CMIP: variants seen among roughly 807,000 people sequenced by gnomAD.
CMIP encodes the protein C-Maf-inducing protein.
A neutral mutation model predicts 97.3 loss-of-function variants in CMIP; 13 were observed. The observed-to-expected ratio is 0.13, with a 90% CI of 0.09 to 0.21. CMIP has a LOEUF of 0.21. Ranked by LOEUF, CMIP falls within the 10% of genes least tolerant of loss-of-function variation. The pLI, the probability that CMIP is intolerant of heterozygous loss-of-function variation, is 1.00. For missense variants in CMIP, 847 were observed against 1,024.9 expected (o/e 0.83, Z 2.37); for synonymous variants, 538 against 436.3 (o/e 1.23, Z -2.91).
At chr16:81,680,264 G>A (rs1284145647) in intron 10 of CMIP, among the ~76,000 whole-genome samples, 1 of 152,254 alleles carries the variant, frequency 6.6e-6, no homozygotes, top group Non-Finnish European at 1.5e-5. Context: ...ATTCTGTCAT[G>A]TATGTGTTGT....
At chr16:81,587,183 A>G (rs182815826) in intron 1 of CMIP, among the ~76,000 whole-genome samples, 8 of 152,172 alleles carry the variant, frequency 5.3e-5, no homozygotes, top group African/African-American at 1.9e-4. Flanking sequence ...AACCTGCATG[A>G]CTCATTACCA....
intron 1 of CMIP, among the ~76,000 whole-genome samples, chr16:81,569,549 C>G (rs534055651): frequency 6.6e-6 from 1 of 152,254 alleles, no homozygotes; most frequent in Admixed American, 6.5e-5. Context: ...TTCCACAGGA[C>G]AGTCCTGCCA....
intron 1 of CMIP, among the ~76,000 whole-genome samples, chr16:81,465,737 G>T (rs763642425): frequency 2.6e-5 from 4 of 152,220 alleles, no homozygotes; most frequent in African/African-American, 9.6e-5. Context: ...GACCCAGCAC[G>T]GTGAGCTGTC....
At chr16:81,449,654 G>A (rs1048485572) in intron 1 of CMIP, among the ~76,000 whole-genome samples, 3 of 139,042 alleles carry the variant, frequency 2.2e-5, no homozygotes, top group African/African-American at 8.7e-5. Context: ...TTTTGTGGCA[G>A]TAAACACACA....
At chr16:81,458,278 C>G (rs889104979) in intron 1 of CMIP, among the ~76,000 whole-genome samples, 3 of 152,156 alleles carry the variant, frequency 2.0e-5, no homozygotes, top group African/African-American at 4.8e-5. Flanking sequence ...ACCCCATCAC[C>G]TGGAAGGCTA....
chr16:81,469,520 C>T (rs1379483548), intron 1 of CMIP, among the ~76,000 whole-genome samples: 1 of 152,154 alleles, frequency 6.6e-6, no homozygotes, highest in Non-Finnish European at 1.5e-5. Context: ...CTGCCGTTAC[C>T]ACTGTCATTG....
chr16:81,666,190 A>G (rs1483187268), intron 7 of CMIP: 2 of 152,130 alleles, frequency 1.3e-5, no homozygotes, highest in African/African-American at 4.8e-5. Flanking sequence ...TTAACTTTAA[A>G]ATCACTACGG....
chr16:81,585,677 G>A (rs946464418), intron 1 of CMIP, among the ~76,000 whole-genome samples: 42 of 126,666 alleles, frequency 3.3e-4, no homozygotes, highest in Non-Finnish European at 4.0e-4. Context: ...GCATGGCACA[G>A]TACCTTTTGG....
intron 1 of CMIP, among the ~76,000 whole-genome samples, chr16:81,592,638 T>A (rs1273350406): frequency 6.6e-6 from 1 of 152,202 alleles, no homozygotes; most frequent in Non-Finnish European, 1.5e-5. Flanking sequence ...AAGGCAGGAC[T>A]CAAAACAACA....
intron 8 of CMIP, 105 bp downstream of exon 8, chr16:81,670,350 C>T (rs2092670515): frequency 8.1e-7 from 1 of 1,227,444 alleles, no homozygotes; most frequent in African/African-American, 1.5e-5. Flanking sequence ...TAAATGAAGA[C>T]TCCCTCTATG....
chr16:81,655,666 G>A lies in CMIP; in HGVS notation c.640-2109G>A, dbSNP rs2092473778. Among the ~76,000 whole-genome samples the A allele has an allele frequency of 6.6e-6, 1 of 152,216 alleles. No homozygotes were observed. Among genetic ancestry groups the A allele is most frequent in the South Asian group, 2.1e-4 (1 of 4,830 alleles). On this transcript the variant is annotated intron_variant, in intron 4 of 20. Coordinates refer to ENST00000537098, the MANE Select transcript of CMIP (RefSeq NM_198390.3). This position sits in a 1 kb window ranked among gnomAD's most constrained non-coding sequence, Gnocchi z 4.9. ...GCGTGGGTGGCGGCGAGGGATGGAT[G>A]TGTCGAGCTGCCCTTGGCAGCCCAA...
At chr16:81,651,357 G>A in intron 3 of CMIP, 1 of 920,250 alleles carries the variant, frequency 1.1e-6, no homozygotes, top group Non-Finnish European at 1.3e-6. Flanking sequence ...AACTAACTCT[G>A]CCTCAAATCC....
chr16:81,649,399 C>T (rs2092402021), intron 3 of CMIP, among the ~76,000 whole-genome samples: 1 of 152,246 alleles, frequency 6.6e-6, no homozygotes, highest in Non-Finnish European at 1.5e-5. Context: ...GCGTTGCCCA[C>T]TGGGCCCTGC....
intron 1 of CMIP, among the ~76,000 whole-genome samples, chr16:81,541,305 T>G (rs1007756218): frequency 6.6e-6 from 1 of 152,250 alleles, no homozygotes; most frequent in Non-Finnish European, 1.5e-5. Context: ...AATCCTGTCA[T>G]ATAGATCTTT....
At chr16:81,625,123 T>C (rs1490448159) in intron 3 of CMIP, among the ~76,000 whole-genome samples, 1 of 152,186 alleles carries the variant, frequency 6.6e-6, no homozygotes, top group Non-Finnish European at 1.5e-5. Context: ...TCTTTGCCTC[T>C]TTCTCTGAGC....
At chr16:81,693,315 C>T in intron 12 of CMIP, 124 bp from the exon 13 acceptor site, 3 of 1,414,950 alleles carry the variant, frequency 2.1e-6, no homozygotes, top group Admixed American at 1.9e-5. Context: ...AGACACGTGT[C>T]CCTGATCCAC....
intron 1 of CMIP, among the ~76,000 whole-genome samples, chr16:81,578,743 G>C (rs1226816367): frequency 1.3e-5 from 2 of 152,188 alleles, no homozygotes; most frequent in Non-Finnish European, 1.5e-5. Flanking sequence ...TCCCTCTCTG[G>C]GGACCATGGC....
chr16:81,705,662 C>G (rs1908053198), intron 19 of CMIP, 58 bp downstream of exon 19: 1 of 1,185,538 alleles, frequency 8.4e-7, no homozygotes, highest in Non-Finnish European at 1.2e-6. Context: ...TCCTTCCTTG[C>G]TTCAGCCAAA....
intron 3 of CMIP, among the ~76,000 whole-genome samples, chr16:81,639,826 A>G (rs972549255): frequency 6.6e-6 from 1 of 152,112 alleles, no homozygotes; most frequent in African/African-American, 2.4e-5. Context: ...CCGTTATTGG[A>G]ATTCTAAGCC....
Sources: gnomAD v4.1 joint callset for allele counts (sites outside exome capture counted in the v4.1 genomes callset) on GRCh38, gnomAD v4.1.1 for gene constraint, Gnocchi (gnomAD v3.1) non-coding constraint, MANE v1.5 for transcripts, NCBI Gene and HGNC (gene_info 2026-07-23, HGNC 2026-07-21) for gene names.